Variants in YBEY observed in about 807,000 individuals in gnomAD.
YBEY encodes endoribonuclease YbeY.
A neutral mutation model predicts 13.5 loss-of-function variants in YBEY; 15 were observed. That is an observed-to-expected ratio of 1.11 (90% CI 0.75 to 1.72). The LOEUF (loss-of-function observed/expected upper bound fraction) is 1.72. Ranked by LOEUF, YBEY falls within the 40% of genes most tolerant of loss-of-function variation. The pLI is 0.00. For synonymous variants in YBEY, 101 were observed against 83.1 expected, an observed-to-expected ratio of 1.21 and a Z score of -1.17; for missense variants, 244 against 208.4, an observed-to-expected ratio of 1.17 and a Z score of -1.05.
the YBEY span, among the ~76,000 whole-genome samples, chr21:46,312,038 C>A: frequency 3.8e-4 from 49 of 128,142 alleles, no homozygotes; most frequent in Middle Eastern, 0.01. Flanking sequence ...CATCCACCTA[C>A]CCAACCAACC....
intron 1 of YBEY, 122 bp from the exon 2 acceptor site, chr21:46,286,748 A>C (rs1352208941): frequency 1.6e-6 from 1 of 645,054 alleles, no homozygotes; most frequent in Non-Finnish European, 2.6e-6. Context: ...GTAAATGTAA[A>C]TTCCCTTAAG....
downstream of YBEY, chr21:46,302,494 T>TG: frequency 6.2e-7 from 1 of 1,610,102 alleles, no homozygotes; most frequent in Non-Finnish European, 8.5e-7. Context: ...CCTGCAGGGC[T>TG]GGGGGCAGGG....
chr21:46,308,002 T>C, the YBEY span, among the ~76,000 whole-genome samples: 3 of 152,082 alleles, frequency 2.0e-5, no homozygotes, highest in African/African-American at 7.2e-5. Context: ...GTTTCTTTTT[T>C]TTCTTTTTTG....
intron 2 of YBEY, among the ~76,000 whole-genome samples, chr21:46,288,419 T>G (rs7275639): frequency 2.6e-5 from 4 of 152,106 alleles, no homozygotes; most frequent in African/African-American, 9.7e-5. Context: ...GGCTCACGCC[T>G]GTAATCCCAG....
At chr21:46,312,148 T>C in the YBEY span, among the ~76,000 whole-genome samples, 1 of 152,070 alleles carries the variant, frequency 6.6e-6, no homozygotes, top group Non-Finnish European at 1.5e-5. Flanking sequence ...GAACTTTAAA[T>C]GATTAACCCC....
At position 46,291,392 on chromosome 21, in the gene YBEY, A is replaced by T; in HGVS notation, c.269A>T (p.Asp90Val). Residue 90 changes from aspartate (D) to valine (V), a missense_variant, in exon 3 of 5, where the codon GAC (aspartate) becomes GTC (valine). Transcript: ENST00000397701. The part of the protein sequence containing the change: ...PDFPDDYNLG[D>V]IFLGVEYIFH... ...TTTCCAGATGACTACAATTTGGGAG[A>T]CATTTTCCTAGGAGTGGAGTATATC... is the stretch of plus-strand genomic sequence containing the variant. 1 of 1,614,052 alleles carries T rather than the reference A, an allele frequency of 6.2e-7. No homozygotes were observed. Among genetic ancestry groups the T allele is most frequent in the Non-Finnish European group, 8.5e-7 (1 of 1,179,998 alleles).
chr21:46,311,690 TCCAACCAA>T, the YBEY span: 2 of 475,580 alleles, frequency 4.2e-6, no homozygotes, highest in Admixed American at 3.5e-5. Flanking sequence ...CACCCATCCA[TCCAACCAA>T]CCAACCAACC....
chr21:46,311,455 C>G, the YBEY span: 3 of 1,552,316 alleles, frequency 1.9e-6, no homozygotes, highest in Non-Finnish European at 2.6e-6. Context: ...GGAACACTTA[C>G]CTTCCTTAAT....
intron 2 of YBEY, among the ~76,000 whole-genome samples, chr21:46,289,776 A>G (rs2081619141): frequency 6.6e-6 from 1 of 152,226 alleles, no homozygotes; most frequent in Non-Finnish European, 1.5e-5. Context: ...TTAAAGGAAA[A>G]AAACATAATT....
the YBEY span, among the ~76,000 whole-genome samples, chr21:46,308,712 T>C: frequency 6.6e-6 from 1 of 152,020 alleles, no homozygotes; most frequent in African/African-American, 2.4e-5. Context: ...TGTGGCAGTA[T>C]TGAGAGGTGG....
the YBEY span, among the ~76,000 whole-genome samples, chr21:46,312,443 C>T: frequency 1.3e-5 from 2 of 152,096 alleles, no homozygotes; most frequent in African/African-American, 2.4e-5. Flanking sequence ...CTCAGCCTCC[C>T]GAGTAGCTGG....
chr21:46,302,373 G>A, downstream of YBEY: 4 of 1,089,226 alleles, frequency 3.7e-6, no homozygotes, highest in Non-Finnish European at 5.3e-6. Flanking sequence ...CCAGACTGTA[G>A]ACCTGAGCCA....
intron 3 of YBEY, among the ~76,000 whole-genome samples, chr21:46,292,692 G>T (rs1236390297): frequency 1.3e-5 from 1 of 74,256 alleles, no homozygotes; most frequent in East Asian, 4.2e-4. Flanking sequence ...GGGACTCAGT[G>T]GGGACAGCCA....
downstream of YBEY, chr21:46,302,229 TG>T: frequency 7.0e-7 from 1 of 1,431,392 alleles, no homozygotes. Flanking sequence ...TGTTCCTAAC[TG>T]GGGCTGGATC....
chr21:46,308,130 A>T, the YBEY span, among the ~76,000 whole-genome samples: 1 of 150,972 alleles, frequency 6.6e-6, no homozygotes, highest in Non-Finnish European at 1.5e-5. Context: ...AGCAGCTGGG[A>T]CTACAGGCAT....
At chr21:46,301,410 G>A (rs1299898151), downstream of YBEY, 1 of 924,614 alleles carries the variant, frequency 1.1e-6, no homozygotes, top group Non-Finnish European at 1.3e-6. Flanking sequence ...GCCTCTTAAA[G>A]TGCTGGGATT....
intron 2 of YBEY, among the ~76,000 whole-genome samples, chr21:46,289,897 G>A (rs560449182): frequency 1.5e-4 from 22 of 149,836 alleles, no homozygotes; most frequent in African/African-American, 4.9e-4. Flanking sequence ...TTCTGTGTGC[G>A]TGTAAGGTTG....
At chr21:46,303,316 G>A in the YBEY span, among the ~76,000 whole-genome samples, 1 of 151,952 alleles carries the variant, frequency 6.6e-6, no homozygotes, top group African/African-American at 2.4e-5. Context: ...TCTAGCCTGG[G>A]TAACAGAGCA....
In YBEY at chr21:46,297,710, A is replaced by T. The variant is rs2081999785; in HGVS notation, c.*76A>T. ...GAGCCGGGGTCGCACACGAATAAAT[A>T]ACGAATGAACGTACGAGGGGAACCT... On this transcript the variant is annotated 3_prime_UTR_variant, in exon 5 of 5. Coordinates refer to ENST00000397701, the MANE Select transcript of YBEY (RefSeq NM_001314025.2). 2 of 1,256,032 alleles carry T rather than the reference A, an allele frequency of 1.6e-6. No individual in the cohort carries two copies. Among genetic ancestry groups the T allele is most frequent in the South Asian group, 7.1e-5 (2 of 28,164 alleles). The allele number at this position is 1,256,032 out of a possible 1,614,324, so 77.8% of individuals were successfully genotyped here.
Sources: allele counts gnomAD v4.1 joint callset (sites outside exome capture counted in the v4.1 genomes callset), GRCh38; gene constraint gnomAD v4.1.1; transcripts MANE v1.5; gene names NCBI Gene and HGNC (gene_info 2026-07-23, HGNC 2026-07-21).